PCM1: variants seen among roughly 807,000 people sequenced by gnomAD.
The protein encoded by PCM1 is pericentriolar material 1 protein.
A neutral mutation model predicts 241.9 loss-of-function variants in PCM1; 157 were observed. The ratio of observed to expected loss-of-function variants is 0.65; its 90% CI spans 0.57 to 0.74. PCM1 has a LOEUF of 0.74. PCM1 is among the 30% of genes least tolerant of loss of function. The probability of loss-of-function intolerance (pLI) is 0.00; values close to 1 mark genes in which losing one functional copy is unlikely to be tolerated. For synonymous variants in PCM1, 1,085 were observed against 784.9 expected, an observed-to-expected ratio of 1.38 and a Z score of -6.39; for missense variants, 3,478 against 2,360.1, an observed-to-expected ratio of 1.47 and a Z score of -9.81.
At chr8:17,931,270 TAAA>T (rs780244883) in intron 2 of PCM1, among the ~76,000 whole-genome samples, 3 of 152,114 alleles carry the variant, frequency 2.0e-5, no homozygotes, top group Non-Finnish European at 2.9e-5. Flanking sequence ...ATAGAATGCG[TAAA>T]ACATTCTTTC....
At chr8:17,954,225 C>T (rs140715344) in intron 9 of PCM1, among the ~76,000 whole-genome samples, 1,598 of 151,994 alleles carry the variant, frequency 0.011, 25 homozygotes, top group African/African-American at 0.037. Context: ...GTCGGGAGTT[C>T]GAGACCAGCC....
chr8:17,942,943 G>A (rs1179193951), intron 6 of PCM1, among the ~76,000 whole-genome samples: 2 of 150,458 alleles, frequency 1.3e-5, no homozygotes, highest in Non-Finnish European at 2.9e-5. Context: ...GTTGCAGCGA[G>A]CCGAGATCCT....
chr8:17,957,513 G>A, intron 12 of PCM1, 27 bp from the exon 13 acceptor site: 1 of 1,602,870 alleles, frequency 6.2e-7, no homozygotes, highest in Admixed American at 1.7e-5. Flanking sequence ...AAAAGTTACT[G>A]GTTTTAATTA....
At chr8:17,978,952 T>G (rs1477850870) in intron 23 of PCM1, among the ~76,000 whole-genome samples, 2 of 152,108 alleles carry the variant, frequency 1.3e-5, no homozygotes, top group African/African-American at 4.8e-5. Flanking sequence ...ATAGAAGCTA[T>G]TCTCATGAGA....
chr8:18,007,437 T>G (rs1471876972), intron 30 of PCM1, among the ~76,000 whole-genome samples: 5 of 152,176 alleles, frequency 3.3e-5, no homozygotes, highest in African/African-American at 1.2e-4. Flanking sequence ...ACATTGATGG[T>G]GTTGTGCATT....
chr8:17,973,383 G>T (rs900952219), intron 23 of PCM1, among the ~76,000 whole-genome samples: 3 of 152,096 alleles, frequency 2.0e-5, no homozygotes, highest in African/African-American at 7.2e-5. Context: ...CAAAGGATGG[G>T]CTATGGCCTT....
rs199745683 is a variant in PCM1, at chr8:17,937,355, G to T, written c.318G>T (p.Arg106=). 6.2e-7 allele frequency: 1 copy of T among 1,600,554 alleles called. No individual in the cohort carries two copies. Among genetic ancestry groups the T allele is most frequent in the Non-Finnish European group, 8.5e-7 (1 of 1,174,136 alleles). The change falls in exon 4 of 39, where the codon CGG becomes CGT. Residue 106 remains arginine (R), a synonymous_variant. Coordinates refer to ENST00000325083, the MANE Select transcript of PCM1 (RefSeq NM_006197.4). ...EQAELEKLKQ[R]INFSDLDQRS... ...CAGAATTAGAGAAACTGAAACAGCG[G>T]ATAAACTTCAGTGATTTAGATCAGG...
At chr8:17,952,496 C>T (rs2129459047) in intron 8 of PCM1, among the ~76,000 whole-genome samples, 1 of 152,240 alleles carries the variant, frequency 6.6e-6, no homozygotes, top group African/African-American at 2.4e-5. Context: ...CTGTGGGTTC[C>T]ACATCCATGG....
At chr8:17,972,816 A>AT in intron 23 of PCM1, 129 bp downstream of exon 23, 1 of 421,886 alleles carries the variant, frequency 2.4e-6, no homozygotes, top group Non-Finnish European at 4.1e-6. Flanking sequence ...TTGAACAGTC[A>AT]TTTTTAGTTA....
intron 7 of PCM1, 47 bp downstream of exon 7, chr8:17,947,410 A>G (rs2064238147): frequency 3.0e-6 from 4 of 1,329,168 alleles, no homozygotes; most frequent in Non-Finnish European, 4.2e-6. Flanking sequence ...AGACTCATAC[A>G]TAATTGTATT....
chr8:17,971,262 T>G (rs1460910881), intron 22 of PCM1, among the ~76,000 whole-genome samples: 1 of 152,248 alleles, frequency 6.6e-6, no homozygotes, highest in Non-Finnish European at 1.5e-5. Context: ...TTTCTAACCC[T>G]TGTCTTGAGT....
intron 24 of PCM1, among the ~76,000 whole-genome samples, chr8:17,981,921 A>G (rs1320306468): frequency 6.6e-6 from 1 of 151,454 alleles, no homozygotes; most frequent in African/African-American, 2.4e-5. Flanking sequence ...AAAAAAAGAC[A>G]TTAAGATTTA....
intron 29 of PCM1, among the ~76,000 whole-genome samples, chr8:17,999,262 T>G (rs1298724972): frequency 6.6e-6 from 1 of 152,106 alleles, no homozygotes; most frequent in Non-Finnish European, 1.5e-5. Flanking sequence ...GGATCTCACC[T>G]GAAGCCAGAA....
intron 4 of PCM1, among the ~76,000 whole-genome samples, chr8:17,937,857 C>A (rs1682890765): frequency 6.6e-6 from 1 of 152,022 alleles, no homozygotes; most frequent in African/African-American, 2.4e-5. Context: ...ACTCTTAGAT[C>A]TATATGTCAT....
intron 7 of PCM1, among the ~76,000 whole-genome samples, chr8:17,948,018 G>A (rs949563819): frequency 1.3e-5 from 2 of 151,932 alleles, no homozygotes; most frequent in African/African-American, 2.4e-5. Context: ...TTAGTTTCTC[G>A]TTAAATTGCA....
intron 1 of PCM1, 149 bp from the exon 2 acceptor site, chr8:17,924,564 A>G (rs1563539358): frequency 6.6e-6 from 1 of 152,236 alleles, no homozygotes; most frequent in Non-Finnish European, 1.5e-5. Context: ...AATTGAGGTA[A>G]CTTAAATTTA....
At chr8:18,012,898 T>C (rs1387598134) in intron 34 of PCM1, among the ~76,000 whole-genome samples, 1 of 152,212 alleles carries the variant, frequency 6.6e-6, no homozygotes, top group Non-Finnish European at 1.5e-5. Context: ...CTTTCTTTTT[T>C]TCTGATTGTT....
At chr8:17,953,295 T>C in intron 9 of PCM1, 109 bp downstream of exon 9, 1 of 541,032 alleles carries the variant, frequency 1.8e-6, no homozygotes, top group South Asian at 4.2e-5. Context: ...TCAAAAATAT[T>C]TGTAGGGACT....
At position 17,966,398 on chromosome 8, in the gene PCM1, C is replaced by T. The variant is rs2074909106; in HGVS notation, c.3146C>T (p.Pro1049Leu). ...YSVMPSNVAS[P>L]QVHFIMHQLN... ...GTTATGCCCAGCAATGTTGCATCTC[C>T]TCAAGTACACTTCATAATGCACCAG... is the stretch of plus-strand genomic sequence containing the variant. The change falls in exon 20 of 39, where the codon CCT becomes CTT. Residue 1049 changes from proline (P) to leucine (L), a missense_variant. Pro to Leu is a moderately conservative substitution (Grantham distance 98, BLOSUM62 -3). Coordinates refer to ENST00000325083, the MANE Select transcript of PCM1 (RefSeq NM_006197.4). 1 of 1,613,568 alleles carries T rather than the reference C, an allele frequency of 6.2e-7. No homozygotes were observed. The highest frequency in any genetic ancestry group is 8.5e-7 in the Non-Finnish European group (1 of 1,179,522).
Sources: allele counts gnomAD v4.1 joint callset (sites outside exome capture counted in the v4.1 genomes callset), GRCh38; gene constraint gnomAD v4.1.1; transcripts MANE v1.5; gene names NCBI Gene and HGNC (gene_info 2026-07-23, HGNC 2026-07-21).